Variants in HLCS observed in about 807,000 individuals in gnomAD.
HLCS encodes the protein holocarboxylase synthetase, also known as biotin--protein ligase.
A neutral mutation model predicts 75.0 loss-of-function variants in HLCS; 53 were observed. The ratio of observed to expected loss-of-function variants is 0.71; its 90% CI spans 0.57 to 0.89. The LOEUF (loss-of-function observed/expected upper bound fraction) is 0.89. Ranked by LOEUF, HLCS falls within the 40% of genes least tolerant of loss-of-function variation. The pLI is 0.00. For synonymous variants in HLCS, 431 were observed against 428.6 expected, an observed-to-expected ratio of 1.01 and a Z score of -0.07; for missense variants, 966 against 1,074.0, an observed-to-expected ratio of 0.90 and a Z score of 1.41.
intron 6 of HLCS, among the ~76,000 whole-genome samples, chr21:36,780,028 ATATT>A (rs1209035413): frequency 3.3e-5 from 5 of 152,112 alleles, no homozygotes; most frequent in Non-Finnish European, 7.3e-5. Context: ...GGATACATGC[ATATT>A]TTCTTATTTC....
chr21:36,913,625 G>A (rs2065812311), intron 5 of HLCS, among the ~76,000 whole-genome samples: 2 of 152,166 alleles, frequency 1.3e-5, no homozygotes, highest in Admixed American at 6.5e-5. Flanking sequence ...GCAGGGCATG[G>A]TGGTGGGTGC....
At chr21:36,805,813 T>A (rs560078061) in intron 6 of HLCS, among the ~76,000 whole-genome samples, 111 of 152,260 alleles carry the variant, frequency 7.3e-4, no homozygotes, top group African/African-American at 2.5e-3. Flanking sequence ...GAGGCGTCCA[T>A]CACTAGACGT....
chr21:36,893,105 C>T (rs1023239658), intron 6 of HLCS, among the ~76,000 whole-genome samples: 1 of 151,950 alleles, frequency 6.6e-6, no homozygotes, highest in Non-Finnish European at 1.5e-5. Flanking sequence ...GAGTCTTGTT[C>T]GGTCACCCAG....
chr21:36,756,891 A>G, intron 9 of HLCS, 136 bp from the exon 10 acceptor site: 6 of 1,538,186 alleles, frequency 3.9e-6, no homozygotes, highest in Non-Finnish European at 5.2e-6. Flanking sequence ...CGTGTCTCTA[A>G]CCACTTGAAG....
intron 6 of HLCS, among the ~76,000 whole-genome samples, chr21:36,784,671 CT>C (rs1198812981): frequency 6.6e-6 from 1 of 152,112 alleles, no homozygotes; most frequent in Non-Finnish European, 1.5e-5. Context: ...GGCTATAAGG[CT>C]TTCTAGAAAG....
chr21:36,876,576 G>C (rs1381613580), intron 6 of HLCS, among the ~76,000 whole-genome samples: 1 of 152,068 alleles, frequency 6.6e-6, no homozygotes, highest in African/African-American at 2.4e-5. Flanking sequence ...ATCCATTTTT[G>C]TTATTGATTT....
chr21:36,956,701 G>GC lies in HLCS; in HGVS notation c.330+5334dup, dbSNP rs1470046585. Among the ~76,000 whole-genome samples, 3 of 152,094 alleles carry GC rather than the reference G, an allele frequency of 2.0e-5. No individual in the cohort carries two copies. The East Asian group carries it at 5.8e-4, about 29-fold the overall frequency. On this transcript the variant is annotated intron_variant, in intron 2 of 10. Transcript: ENST00000674895. ...GCCGAGATCGTGCCACTGCACTCTAGCCTAGGCAACAGAGCGAGACTCCGT... is the reference window on the plus strand; with the variant it reads ...GCCGAGATCGTGCCACTGCACTCTAGCCCTAGGCAACAGAGCGAGACTCCGT...
chr21:36,936,848 G>T lies in HLCS; in HGVS notation c.1038C>A (p.His346Gln). The T allele has an allele frequency of 1.2e-6, 2 of 1,614,180 alleles. No individual in the cohort carries two copies. Among genetic ancestry groups the T allele is most frequent in the Non-Finnish European group, 1.7e-6 (2 of 1,180,034 alleles). ...CTCTGAGAGCACTGTCCTCCAGCAG[G>T]TGGTAGAGAATATAACTGTCAATGT... ...CVDIDSYILY[H>Q]LLEDSALRDP... The change falls in exon 4 of 11, where the codon CAC becomes CAA. Residue 346 changes from histidine (H) to glutamine (Q), a missense_variant. His to Gln is a conservative substitution (Grantham distance 24). Transcript: ENST00000674895.
chr21:36,893,324 G>A (rs1280642188), intron 6 of HLCS, among the ~76,000 whole-genome samples: 6 of 151,934 alleles, frequency 3.9e-5, no homozygotes, highest in African/African-American at 7.3e-5. Context: ...CACCCACCTC[G>A]GCCTCCCAAA....
chr21:36,922,311 T>C (rs1355492236), intron 5 of HLCS, among the ~76,000 whole-genome samples: 2 of 152,226 alleles, frequency 1.3e-5, no homozygotes, highest in African/African-American at 4.8e-5. Flanking sequence ...TTGATATATG[T>C]GTATGTTACG....
At chr21:36,775,601 C>CA (rs1462556699) in intron 6 of HLCS, among the ~76,000 whole-genome samples, 2 of 152,264 alleles carry the variant, frequency 1.3e-5, no homozygotes, top group South Asian at 2.1e-4. Flanking sequence ...CACCAGTACT[C>CA]AGACTATCTG....
chr21:36,883,400 G>A (rs1413391406), intron 6 of HLCS, among the ~76,000 whole-genome samples: 2 of 152,154 alleles, frequency 1.3e-5, no homozygotes, highest in Non-Finnish European at 2.9e-5. Flanking sequence ...TTTAAACATT[G>A]ACAGATTTTG....
intron 1 of HLCS, among the ~76,000 whole-genome samples, chr21:36,984,939 C>G (rs918255376): frequency 2.0e-5 from 3 of 151,524 alleles, no homozygotes; most frequent in Non-Finnish European, 4.4e-5. Context: ...CCTTGGAAAG[C>G]AACAGCACAG....
At chr21:36,880,773 C>T (rs2064173858) in intron 6 of HLCS, among the ~76,000 whole-genome samples, 1 of 152,096 alleles carries the variant, frequency 6.6e-6, no homozygotes, top group Non-Finnish European at 1.5e-5. Context: ...TCCAAAATGT[C>T]AGCCACGACC....
intron 10 of HLCS, among the ~76,000 whole-genome samples, chr21:36,755,820 G>A (rs2089545932): frequency 6.6e-6 from 1 of 152,188 alleles, no homozygotes; most frequent in Non-Finnish European, 1.5e-5. Context: ...CAGGGTGCTG[G>A]GCCCAGCCCA....
chr21:36,965,237 T>C (rs891911959), intron 1 of HLCS, among the ~76,000 whole-genome samples: 1 of 152,228 alleles, frequency 6.6e-6, no homozygotes, highest in Non-Finnish European at 1.5e-5. Flanking sequence ...CGGTGTGACA[T>C]ATGCAGAAAA....
chr21:36,877,983 T>C (rs1315836139), intron 6 of HLCS, among the ~76,000 whole-genome samples: 1 of 152,180 alleles, frequency 6.6e-6, no homozygotes, highest in Non-Finnish European at 1.5e-5. Context: ...AAATGCTGTT[T>C]TCCTCAGATT....
At chr21:36,797,303 C>G (rs930287669) in intron 6 of HLCS, among the ~76,000 whole-genome samples, 1 of 152,060 alleles carries the variant, frequency 6.6e-6, no homozygotes, top group Admixed American at 6.5e-5. Flanking sequence ...GTGATAATGT[C>G]AGAAAAGAGT....
At chr21:36,788,792 C>T (rs763743160) in intron 6 of HLCS, among the ~76,000 whole-genome samples, 1 of 152,214 alleles carries the variant, frequency 6.6e-6, no homozygotes, top group African/African-American at 2.4e-5. Flanking sequence ...ACGTCCTAGA[C>T]ACTGAGGTGC....
Sources: allele counts gnomAD v4.1 joint callset (sites outside exome capture counted in the v4.1 genomes callset), GRCh38; gene constraint gnomAD v4.1.1; transcripts MANE v1.5; gene names NCBI Gene and HGNC (gene_info 2026-07-23, HGNC 2026-07-21).